Variants in TMTC3 observed in about 807,000 individuals in gnomAD.
The protein encoded by TMTC3 is transmembrane O-mannosyltransferase targeting cadherins 3, also known as protein O-mannosyl-transferase TMTC3.
TMTC3 carries 52 observed loss-of-function variants against 92.2 expected under a neutral mutation model. The observed-to-expected ratio is 0.56, with a 90% CI of 0.45 to 0.71. The LOEUF is 0.71. Ranked by LOEUF, TMTC3 falls within the 30% of genes least tolerant of loss-of-function variation. The pLI is 0.00. For synonymous variants in TMTC3, 339 were observed against 363.3 expected (o/e 0.93, Z 0.76); for missense variants, 896 against 1,057.1 (o/e 0.85, Z 2.11).
chr12:88,150,533 T>A (rs1273811658), intron 2 of TMTC3, among the ~76,000 whole-genome samples: 2 of 152,160 alleles, frequency 1.3e-5, no homozygotes, highest in Non-Finnish European at 2.9e-5. Context: ...CGTAAGCAGA[T>A]GGACTAAGAA....
intron 7 of TMTC3, among the ~76,000 whole-genome samples, chr12:88,171,580 A>G (rs78926615): frequency 0.031 from 4,686 of 152,092 alleles, 240 homozygotes; most frequent in African/African-American, 0.1. Flanking sequence ...TATGTACCAC[A>G]TTTTTTTCAT....
At chr12:88,184,705 T>G (rs2041356188) in intron 10 of TMTC3, among the ~76,000 whole-genome samples, 1 of 152,188 alleles carries the variant, frequency 6.6e-6, no homozygotes, top group Non-Finnish European at 1.5e-5. Context: ...AAAACAAATT[T>G]CCTCCCTTCG....
intron 1 of TMTC3, among the ~76,000 whole-genome samples, 168 bp downstream of exon 1, chr12:88,142,655 T>A (rs1158844071): frequency 1.3e-5 from 2 of 152,242 alleles, no homozygotes; most frequent in Non-Finnish European, 2.9e-5. Context: ...TAGTGCCTTC[T>A]GTAAGAAGGA....
At chr12:88,174,253 T>C (rs1158957762) in intron 8 of TMTC3, among the ~76,000 whole-genome samples, 3 of 152,096 alleles carry the variant, frequency 2.0e-5, no homozygotes, top group Non-Finnish European at 4.4e-5. Flanking sequence ...GACCCCTTTC[T>C]AAACTCAATT....
intron 4 of TMTC3, 65 bp from the exon 5 acceptor site, chr12:88,160,049 A>G: frequency 1.8e-6 from 2 of 1,102,498 alleles, no homozygotes; most frequent in South Asian, 1.5e-5. Context: ...AAAGTTTAAA[A>G]TATCTTTTTT....
At chr12:88,155,964 G>T (rs2041003763) in intron 4 of TMTC3, among the ~76,000 whole-genome samples, 1 of 152,038 alleles carries the variant, frequency 6.6e-6, no homozygotes, top group South Asian at 2.1e-4. Flanking sequence ...ACAAAAATTA[G>T]CCAGGCGTAG....
intron 10 of TMTC3, among the ~76,000 whole-genome samples, chr12:88,181,349 A>AAC (rs1434491656): frequency 2.8e-4 from 43 of 152,330 alleles, no homozygotes; most frequent in African/African-American, 1.0e-3. Flanking sequence ...CTCTAGGGTT[A>AAC]ACACCTGTTG....
intron 10 of TMTC3, 117 bp downstream of exon 10, chr12:88,176,436 A>C (rs1173139567): frequency 3.0e-6 from 2 of 665,604 alleles, no homozygotes; most frequent in Non-Finnish European, 5.0e-6. Context: ...TGAATACTAG[A>C]GTTCAGTGCT....
At chr12:88,189,049 ATAAAAG>A (rs1410971009) in intron 11 of TMTC3, 103 bp downstream of exon 11, 1 of 695,312 alleles carries the variant, frequency 1.4e-6, no homozygotes, top group African/African-American at 1.9e-5. Flanking sequence ...GTTAGTTGAT[ATAAAAG>A]TAAGTTTTAT....
chr12:88,172,383 C>T (rs187488962), intron 7 of TMTC3, among the ~76,000 whole-genome samples: 3 of 151,922 alleles, frequency 2.0e-5, no homozygotes, highest in East Asian at 1.9e-4. Context: ...ACCTTGCTTA[C>T]GTACATCCTG....
At chr12:88,173,150 C>G in intron 8 of TMTC3, 1 of 1,118,876 alleles carries the variant, frequency 8.9e-7, no homozygotes, top group Non-Finnish European at 1.1e-6. Context: ...TAATTTCTTG[C>G]TATCATCACT....
rs56157840 is a variant in TMTC3 at position 88,144,423 on chromosome 12, C to T, written c.-29+1936C>T. Among the ~76,000 whole-genome samples the T allele has an allele frequency of 8.3e-3, 1,246 of 150,298 alleles. 21 individuals are homozygous for T. Among genetic ancestry groups the T allele is most frequent in the African/African-American group, 0.029 (1,195 of 41,016 alleles). The stretch of plus-strand genomic sequence containing the variant: ...CTTTTCTTCTGTTTTTTTTTTCATT[C>T]GTTATAACTTATTTTTATGTATTCA... On this transcript the variant is annotated intron_variant, in intron 1 of 13. Coordinates refer to ENST00000266712, the MANE Select transcript of TMTC3 (RefSeq NM_181783.4).
At chr12:88,182,060 A>G (rs909079544) in intron 10 of TMTC3, among the ~76,000 whole-genome samples, 1 of 152,228 alleles carries the variant, frequency 6.6e-6, no homozygotes, top group Non-Finnish European at 1.5e-5. Flanking sequence ...TTTTTACTCA[A>G]AGGAATTCTT....
At chr12:88,174,383 A>G (rs1433302399) in intron 8 of TMTC3, among the ~76,000 whole-genome samples, 2 of 152,080 alleles carry the variant, frequency 1.3e-5, no homozygotes, top group Admixed American at 6.6e-5. Context: ...AATATAGCCA[A>G]TATTAGCATA....
At position 88,188,478 on chromosome 12, in the gene TMTC3, A is replaced by G. The variant is rs546609589; in HGVS notation, c.1433-365A>G. ...GCAAGCTTTAGTGTAGTAAAATACA[A>G]TGAAGGAAGGTAATAAAAATTTCTT... On this transcript the variant is annotated intron_variant, in intron 10 of 13. Transcript: ENST00000266712. 5.3e-5 allele frequency among the ~76,000 whole-genome samples: 8 copies of G among 152,258 alleles called. No homozygotes were observed. In the South Asian group the frequency reaches 6.2e-4, roughly 12 times the overall value.
chr12:88,152,289 G>A (rs535729142), intron 2 of TMTC3, among the ~76,000 whole-genome samples: 1 of 152,166 alleles, frequency 6.6e-6, no homozygotes, highest in South Asian at 2.1e-4. Flanking sequence ...ATGGTGAGAG[G>A]GGGAGCAAGA....
chr12:88,166,424 T>G lies in TMTC3; in HGVS notation c.892T>G (p.Ser298Ala). 3 of 1,614,014 alleles carry G rather than the reference T, an allele frequency of 1.9e-6. No individual in the cohort carries two copies. The highest frequency in any genetic ancestry group is 2.5e-6 in the Non-Finnish European group (3 of 1,179,950). The change falls in exon 7 of 14, where the codon TCA becomes GCA. Residue 298 changes from serine to alanine, a missense_variant. Transcript: ENST00000266712. ...GAATGCTTGGTTGTTATTAAATCCT[T>G]CAGAGCTCTGCTGTGATTGGACCAT... The part of the protein sequence containing the change: ...PVNAWLLLNP[S>A]ELCCDWTMGT...
At chr12:88,171,557 A>G (rs1435535421) in intron 7 of TMTC3, among the ~76,000 whole-genome samples, 1 of 152,150 alleles carries the variant, frequency 6.6e-6, no homozygotes, top group Non-Finnish European at 1.5e-5. Context: ...GCTAAATAGT[A>G]TTCTAAAGTG....
intron 6 of TMTC3, among the ~76,000 whole-genome samples, chr12:88,163,871 G>A (rs943816580): frequency 6.6e-6 from 1 of 151,974 alleles, no homozygotes; most frequent in Middle Eastern, 3.2e-3. Flanking sequence ...ACCGACCATG[G>A]GTATTTCCTC....
Sources: allele counts gnomAD v4.1 joint callset (sites outside exome capture counted in the v4.1 genomes callset), GRCh38; gene constraint gnomAD v4.1.1; transcripts MANE v1.5; gene names NCBI Gene and HGNC (gene_info 2026-07-23, HGNC 2026-07-21).